The following NRXN3 variants were observed in gnomAD, a reference collection of about 807,000 sequenced individuals.
NRXN3 encodes neurexin 3.
NRXN3 carries 32 observed loss-of-function variants against 137.6 expected under a neutral mutation model. That is an observed-to-expected ratio of 0.23 (90% confidence interval 0.18 to 0.31). NRXN3 has a LOEUF of 0.31. NRXN3 is among the 10% of genes least tolerant of loss of function. The probability of loss-of-function intolerance (pLI) is 1.00; values close to 1 mark genes in which losing one functional copy is unlikely to be tolerated. For missense variants in NRXN3, 1,574 were observed against 2,062.5 expected, an observed-to-expected ratio of 0.76 and a Z score of 4.59; for synonymous variants, 798 against 784.5, an observed-to-expected ratio of 1.02 and a Z score of -0.29.
At chr14:78,679,083 T>C (rs1196768946) in intron 6 of NRXN3, among the ~76,000 whole-genome samples, 2 of 152,210 alleles carry the variant, frequency 1.3e-5, no homozygotes, top group Non-Finnish European at 2.9e-5. Context: ...ATATGATTAC[T>C]GCAGCAACAG....
intron 10 of NRXN3, among the ~76,000 whole-genome samples, chr14:78,849,162 T>C (rs2099035885): frequency 6.6e-6 from 1 of 152,182 alleles, no homozygotes; most frequent in African/African-American, 2.4e-5. Flanking sequence ...TGTATTCAAA[T>C]CGTAGTTCTG....
At chr14:78,403,408 C>T (rs935576299) in intron 4 of NRXN3, among the ~76,000 whole-genome samples, 4 of 152,158 alleles carry the variant, frequency 2.6e-5, no homozygotes, top group South Asian at 2.1e-4. Context: ...GAGCAGAGCT[C>T]GCATTCTGGG....
At chr14:79,175,378 AT>A (rs1179381120) in intron 15 of NRXN3, among the ~76,000 whole-genome samples, 4 of 152,262 alleles carry the variant, frequency 2.6e-5, no homozygotes, top group Middle Eastern at 6.8e-3. Context: ...AAGATTGAGA[AT>A]TTTTTTGGAG....
At chr14:78,362,875 T>C (rs2085342988) in intron 4 of NRXN3, among the ~76,000 whole-genome samples, 1 of 152,200 alleles carries the variant, frequency 6.6e-6, no homozygotes, top group African/African-American at 2.4e-5. Context: ...TGGTTGTTTC[T>C]TCAAGAGCAG....
At chr14:78,590,402 A>C (rs2152399294) in intron 4 of NRXN3, among the ~76,000 whole-genome samples, 1 of 152,322 alleles carries the variant, frequency 6.6e-6, no homozygotes, top group Admixed American at 6.5e-5. Context: ...ATCTTCTGTA[A>C]ATGACTGGAT....
chr14:79,009,046 C>T (rs967989148), intron 15 of NRXN3, among the ~76,000 whole-genome samples: 6 of 152,074 alleles, frequency 3.9e-5, no homozygotes, highest in African/African-American at 1.4e-4. Flanking sequence ...GTGAGATAGT[C>T]CTGCCCTGTT....
intron 4 of NRXN3, chr14:78,300,552 T>C (rs1218010716): frequency 7.9e-6 from 5 of 636,336 alleles, no homozygotes; most frequent in Non-Finnish European, 2.7e-6. Flanking sequence ...TTTTGTGTGT[T>C]TTATGTCTCT....
chr14:78,335,034 G>A (rs79273839), intron 4 of NRXN3, among the ~76,000 whole-genome samples: 9,844 of 152,158 alleles, frequency 0.065, 454 homozygotes, highest in African/African-American at 0.14. Context: ...CATAAATGAG[G>A]GGAGGCGTCA....
intron 8 of NRXN3, among the ~76,000 whole-genome samples, chr14:78,778,722 CTTTCTT>C (rs2098754620): frequency 1.2e-4 from 16 of 136,016 alleles, no homozygotes; most frequent in East Asian, 2.1e-4. Flanking sequence ...TTCTTTCTTT[CTTTCTT>C]TCTCTCTCTC....
chr14:79,723,927 C>G (rs2098861791), intron 19 of NRXN3, among the ~76,000 whole-genome samples: 1 of 152,108 alleles, frequency 6.6e-6, no homozygotes, highest in Admixed American at 6.5e-5. Flanking sequence ...CCAGGCTATG[C>G]CTTTCATCTC....
At chr14:78,306,779 C>T (rs2077413201) in intron 4 of NRXN3, among the ~76,000 whole-genome samples, 1 of 152,092 alleles carries the variant, frequency 6.6e-6, no homozygotes, top group Admixed American at 6.6e-5. Context: ...AAAAGCAATG[C>T]TTATTTGGCA....
At chr14:78,273,800 A>C (rs1176814939) in intron 2 of NRXN3, among the ~76,000 whole-genome samples, 2 of 152,174 alleles carry the variant, frequency 1.3e-5, no homozygotes, top group African/African-American at 4.8e-5. Flanking sequence ...CTGTGCCAGC[A>C]CACTTCTTCA....
intron 6 of NRXN3, among the ~76,000 whole-genome samples, chr14:78,660,892 G>C (rs889539618): frequency 6.6e-6 from 1 of 152,188 alleles, no homozygotes; most frequent in Admixed American, 6.5e-5. Flanking sequence ...TCCTTGGACA[G>C]GGAAAGACAG....
chr14:79,139,327 A>G (rs1416706045), intron 15 of NRXN3, among the ~76,000 whole-genome samples: 3 of 152,202 alleles, frequency 2.0e-5, no homozygotes, highest in African/African-American at 7.2e-5. Context: ...TCTCTTGGTT[A>G]GCAAGTCAAC....
intron 4 of NRXN3, among the ~76,000 whole-genome samples, chr14:78,599,671 C>T (rs2097187101): frequency 6.6e-6 from 1 of 152,164 alleles, no homozygotes; most frequent in African/African-American, 2.4e-5. Flanking sequence ...TTTGTCCCTA[C>T]AGCCTAACAT....
intron 4 of NRXN3, among the ~76,000 whole-genome samples, chr14:78,355,944 T>G (rs1241441422): frequency 6.6e-6 from 1 of 152,212 alleles, no homozygotes; most frequent in Non-Finnish European, 1.5e-5. Context: ...CATTCAGGTT[T>G]GTTCCATTTG....
At chr14:79,707,834 A>AAAAG (rs1440598839) in intron 19 of NRXN3, among the ~76,000 whole-genome samples, 1 of 152,146 alleles carries the variant, frequency 6.6e-6, no homozygotes, top group Non-Finnish European at 1.5e-5. Flanking sequence ...TAGAAGAAGT[A>AAAAG]AAAGAAAGGA....
chr14:78,787,062 ACTT>A (rs2098791275), intron 8 of NRXN3, among the ~76,000 whole-genome samples: 1 of 152,116 alleles, frequency 6.6e-6, no homozygotes, highest in Non-Finnish European at 1.5e-5. Flanking sequence ...AGTTTATCAG[ACTT>A]CTTAAATTTT....
intron 13 of NRXN3, 100 bp from the exon 14 acceptor site, chr14:78,968,073 T>C: frequency 8.0e-6 from 1 of 125,004 alleles, no homozygotes; most frequent in Admixed American, 1.2e-4. Context: ...CCCAGCTATC[T>C]TATTCCTTAT....
Sources: allele counts gnomAD v4.1 joint callset (sites outside exome capture counted in the v4.1 genomes callset), GRCh38; gene constraint gnomAD v4.1.1; transcripts MANE v1.5; gene names NCBI Gene and HGNC (gene_info 2026-07-23, HGNC 2026-07-21).